The following KCNMA1 variants were observed in gnomAD, a reference collection of about 807,000 sequenced individuals.
The protein encoded by KCNMA1 is potassium calcium-activated channel subfamily M alpha 1.
KCNMA1 carries 29 observed loss-of-function variants against 140.0 expected under a neutral mutation model. That is an observed-to-expected ratio of 0.21 (90% CI 0.15 to 0.28). The LOEUF is 0.28. KCNMA1 is among the 10% of genes least tolerant of loss of function. KCNMA1 has a pLI of 1.00. For synonymous variants in KCNMA1, 612 were observed against 611.9 expected, an observed-to-expected ratio of 1.00 and a Z score of 0.00; for missense variants, 880 against 1,602.2, an observed-to-expected ratio of 0.55 and a Z score of 7.70.
At chr10:77,507,101 A>G (rs1345754377) in intron 1 of KCNMA1, among the ~76,000 whole-genome samples, 3 of 152,214 alleles carry the variant, frequency 2.0e-5, no homozygotes, top group African/African-American at 7.2e-5. Flanking sequence ...GGGCAGGGGA[A>G]GCAAACTTTT....
chr10:77,231,380 G>A (rs2053527293), intron 3 of KCNMA1, among the ~76,000 whole-genome samples: 1 of 152,186 alleles, frequency 6.6e-6, no homozygotes, highest in African/African-American at 2.4e-5. Context: ...TGCTTTTCAA[G>A]ATGTGAAGTT....
intron 5 of KCNMA1, among the ~76,000 whole-genome samples, chr10:77,122,208 G>A (rs147797255): frequency 1.2e-3 from 180 of 152,174 alleles, no homozygotes; most frequent in African/African-American, 3.9e-3. Flanking sequence ...AGGTAATAAG[G>A]GAAAATTAAC....
chr10:77,463,647 A>G (rs1603626119), intron 1 of KCNMA1, among the ~76,000 whole-genome samples: 1 of 152,222 alleles, frequency 6.6e-6, no homozygotes, highest in African/African-American at 2.4e-5. Flanking sequence ...TCCATGGAAC[A>G]GGGACTGTGA....
chr10:77,556,701 G>C (rs7893394), intron 1 of KCNMA1, among the ~76,000 whole-genome samples: 23,099 of 151,850 alleles, frequency 0.15, 2,509 homozygotes, highest in East Asian at 0.52. Flanking sequence ...CAAGATGAGC[G>C]TGGATCCCTG....
intron 1 of KCNMA1, among the ~76,000 whole-genome samples, chr10:77,462,611 TACAG>T (rs1347516563): frequency 2.0e-5 from 3 of 152,204 alleles, no homozygotes; most frequent in Non-Finnish European, 4.4e-5. Context: ...CTTTTACCTT[TACAG>T]ACAGACATGG....
chr10:76,884,142 C>T (rs78860958), downstream of KCNMA1: 1,784 of 196,348 alleles, frequency 9.1e-3, 27 homozygotes, highest in African/African-American at 0.037. Context: ...TTACTTCTCT[C>T]TATCTGCCCG....
chr10:77,339,387 C>T (rs1166462188), intron 2 of KCNMA1, among the ~76,000 whole-genome samples: 1 of 152,170 alleles, frequency 6.6e-6, no homozygotes, highest in Non-Finnish European at 1.5e-5. Flanking sequence ...GGATGTCAGC[C>T]TTGCAATTGG....
intron 1 of KCNMA1, among the ~76,000 whole-genome samples, chr10:77,540,800 A>G (rs2154554908): frequency 6.6e-6 from 1 of 152,312 alleles, no homozygotes; most frequent in Non-Finnish European, 1.5e-5. Flanking sequence ...CAGGAGTTGG[A>G]GACCAGCCTG....
At chr10:77,389,851 A>T (rs1461422602) in intron 2 of KCNMA1, among the ~76,000 whole-genome samples, 4 of 152,184 alleles carry the variant, frequency 2.6e-5, no homozygotes, top group African/African-American at 9.7e-5. Context: ...AAAAGCAGGC[A>T]CCGTAACTCA....
chr10:77,070,753 G>A (rs1172306138), intron 14 of KCNMA1, among the ~76,000 whole-genome samples: 2 of 152,140 alleles, frequency 1.3e-5, no homozygotes, highest in Non-Finnish European at 2.9e-5. Flanking sequence ...AACATGCCAA[G>A]GAGGGTGCCA....
intron 5 of KCNMA1, among the ~76,000 whole-genome samples, chr10:77,158,393 C>T (rs566445481): frequency 3.9e-5 from 6 of 152,274 alleles, no homozygotes; most frequent in African/African-American, 1.4e-4. Context: ...TAGCTTGTTG[C>T]TCAAGGTCAA....
At chr10:76,907,436 G>A (rs536165199) in intron 25 of KCNMA1, among the ~76,000 whole-genome samples, 84 of 152,184 alleles carry the variant, frequency 5.5e-4, no homozygotes, top group Non-Finnish European at 9.8e-4. Context: ...GTTCTCCAGT[G>A]CTCAAACCGA....
intron 2 of KCNMA1, among the ~76,000 whole-genome samples, chr10:77,401,241 C>T (rs974232178): frequency 2.6e-5 from 4 of 151,912 alleles, no homozygotes; most frequent in Non-Finnish European, 4.4e-5. Context: ...ACTGCAAGTT[C>T]CGCCTCCTGG....
rs1268795291 is a variant in KCNMA1 at position 76,949,393 on chromosome 10, T to C, written c.2485-27A>G. Reference sequence around the variant, plus strand: ...TACAACAGGGAGAAGTGGGTAAGAGTCAGAGAGAAGACTGCATAGGGCTGT... The same window carrying C: ...TACAACAGGGAGAAGTGGGTAAGAGCCAGAGAGAAGACTGCATAGGGCTGT... On this transcript the variant is annotated intron_variant, in intron 21 of 27. Transcript: ENST00000286628. 3.8e-6 allele frequency: 6 copies of C among 1,582,534 alleles called. No individual in the cohort carries two copies. The Admixed American group carries it at 1.0e-4, about 27-fold the overall frequency.
chr10:76,889,698 A>G (rs2039041250), intron 26 of KCNMA1, 129 bp from the exon 27 acceptor site: 4 of 779,736 alleles, frequency 5.1e-6, no homozygotes, highest in Middle Eastern at 2.2e-4. Flanking sequence ...TCCATGTGCC[A>G]AGGGACGGCA....
chr10:77,134,953 A>T (rs1408007383), intron 5 of KCNMA1, among the ~76,000 whole-genome samples: 1 of 127,718 alleles, frequency 7.8e-6, no homozygotes, highest in East Asian at 2.8e-4. Flanking sequence ...AGCTGAGATC[A>T]TGCCACCGCA....
downstream of KCNMA1, chr10:76,875,852 T>A (rs545938425): frequency 1.3e-5 from 2 of 152,762 alleles, no homozygotes; most frequent in South Asian, 2.1e-4. Context: ...TTTATAAGCC[T>A]GAATATAGAC....
At chr10:77,146,292 A>C (rs1179528039) in intron 5 of KCNMA1, among the ~76,000 whole-genome samples, 1 of 152,170 alleles carries the variant, frequency 6.6e-6, no homozygotes, top group African/African-American at 2.4e-5. Context: ...CAGTAAGAAA[A>C]AACTGTGCCT....
chr10:76,974,543 T>C (rs1423401164), intron 19 of KCNMA1: 1 of 1,549,812 alleles, frequency 6.5e-7, no homozygotes, highest in Non-Finnish European at 8.7e-7. Context: ...AAATGGATCT[T>C]TGGAATAGCG....
Sources: allele counts gnomAD v4.1 joint callset (sites outside exome capture counted in the v4.1 genomes callset), GRCh38; gene constraint gnomAD v4.1.1; transcripts MANE v1.5; gene names NCBI Gene and HGNC (gene_info 2026-07-23, HGNC 2026-07-21).